The following TMLHE variants were observed in gnomAD, a reference collection of about 807,000 sequenced individuals.
TMLHE encodes the protein trimethyllysine hydroxylase, epsilon, also known as trimethyllysine dioxygenase, mitochondrial.
Under a neutral mutation model 25.7 loss-of-function variants are expected in TMLHE, and 18 were observed. That is an observed-to-expected ratio of 0.70 (90% confidence interval 0.48 to 1.04). The LOEUF (loss-of-function observed/expected upper bound fraction) is 1.04. Among genes scored for constraint, TMLHE ranks in the 50% least tolerant of loss-of-function variants. The pLI is 0.00. For synonymous variants in TMLHE, 105 were observed against 97.0 expected, an observed-to-expected ratio of 1.08 and a Z score of -0.49; for missense variants, 236 against 259.0, an observed-to-expected ratio of 0.91 and a Z score of 0.61.
intron 1 of TMLHE, among the ~76,000 whole-genome samples, chrX:155,551,022 G>A (rs1304563752): frequency 2.7e-5 from 3 of 110,041 alleles, no homozygotes; most frequent in Admixed American, 9.6e-5. Flanking sequence ...CCCTTTAAAC[G>A]GCATGGCAAT....
chrX:155,549,346 G>A (rs1217402929), intron 1 of TMLHE, among the ~76,000 whole-genome samples: 1 of 110,598 alleles, frequency 9.0e-6, no homozygotes, highest in Non-Finnish European at 1.9e-5. Context: ...TGTTAGCCAT[G>A]TTTTTGGATT....
At chrX:155,545,371 T>C in intron 1 of TMLHE, 94 bp from the exon 2 acceptor site, 1 of 729,432 alleles carries the variant, frequency 1.4e-6, no homozygotes, top group Non-Finnish European at 1.9e-6. Context: ...TGTAAAATGA[T>C]AGATTTAATG....
chrX:155,528,157 A>G (rs782725502), intron 2 of TMLHE, among the ~76,000 whole-genome samples: 2 of 110,388 alleles, frequency 1.8e-5, no homozygotes, highest in African/African-American at 6.6e-5. Flanking sequence ...GGATGTGGGG[A>G]AAAATGCATA....
rs1419190689 is a variant in TMLHE, at chrX:155,547,249, A to G, written c.-1-1972T>C. 7.9e-5 allele frequency among the ~76,000 whole-genome samples: 7 copies of G among 89,087 alleles called. No individual in the cohort carries two copies. The Admixed American group carries it at 8.9e-4, about 11-fold the overall frequency. 77.4% of individuals were successfully genotyped at this position (89,087 alleles called of 115,157 possible). ...AAGCTCCGCCTCCCGGGTTCACGCC[A>G]TTCTCCTGCCTCAGCCTCCCGAGTA... On this transcript the variant is annotated intron_variant, in intron 1 of 7. Coordinates refer to ENST00000334398, the MANE Select transcript of TMLHE (RefSeq NM_018196.4).
rs782616823 is a variant in TMLHE at position 155,604,650 on chromosome X, G to A, written c.-2+8142C>T. 3.6e-5 allele frequency among the ~76,000 whole-genome samples: 4 copies of A among 111,351 alleles called. No individual in the cohort carries two copies. In the South Asian group the frequency reaches 1.1e-3, roughly 32 times the overall value. On this transcript the variant is annotated intron_variant, in intron 1 of 7. Transcript: ENST00000334398. ...AGCTCTGCAGCCAGCACTCAAGTGGGAGAGGAGCCCACACCCTCAGAGCAC... is the reference window on the plus strand; with the variant it reads ...AGCTCTGCAGCCAGCACTCAAGTGGAAGAGGAGCCCACACCCTCAGAGCAC...
intron 1 of TMLHE, among the ~76,000 whole-genome samples, chrX:155,599,303 G>A (rs782124072): frequency 9.0e-6 from 1 of 111,380 alleles, no homozygotes; most frequent in Admixed American, 9.6e-5. Flanking sequence ...TCATGTTTAA[G>A]GCAAGTATAA....
intron 2 of TMLHE, among the ~76,000 whole-genome samples, chrX:155,542,795 C>T (rs2067320404): frequency 9.0e-6 from 1 of 111,143 alleles, no homozygotes; most frequent in Non-Finnish European, 1.9e-5. Flanking sequence ...AAGTCCACTG[C>T]AATTCTTATC....
At chrX:155,541,899 T>A (rs1251576547) in intron 2 of TMLHE, among the ~76,000 whole-genome samples, 1 of 111,307 alleles carries the variant, frequency 9.0e-6, no homozygotes, top group Non-Finnish European at 1.9e-5. Context: ...GTTGTTTTTT[T>A]TTTCATGTAA....
chrX:155,610,225 T>C (rs1557348186), intron 1 of TMLHE, among the ~76,000 whole-genome samples: 2 of 112,498 alleles, frequency 1.8e-5, no homozygotes, highest in African/African-American at 3.2e-5. Context: ...GAAGTATTTA[T>C]ATATGCCACA....
intron 1 of TMLHE, among the ~76,000 whole-genome samples, chrX:155,561,269 G>A: frequency 1.6e-5 from 1 of 61,363 alleles, no homozygotes. Context: ...AGAAGGTGAA[G>A]GGAAAGCAAG....
At chrX:155,562,397 CT>C (rs111517743) in intron 1 of TMLHE, among the ~76,000 whole-genome samples, 11,674 of 57,499 alleles carry the variant, frequency 0.2, 2,698 homozygotes, top group African/African-American at 0.31. Flanking sequence ...CCCATGAAAC[CT>C]TTTTTTTTTC....
chrX:155,506,037 T>C (rs12557310), intron 6 of TMLHE, among the ~76,000 whole-genome samples: 60,552 of 109,961 alleles, frequency 0.55, 14,286 homozygotes, highest in Middle Eastern at 0.78. Flanking sequence ...ATGAATTACA[T>C]GCTAGAAGAG....
intron 1 of TMLHE, among the ~76,000 whole-genome samples, chrX:155,607,168 G>A (rs1208586370): frequency 3.6e-5 from 4 of 111,233 alleles, no homozygotes; most frequent in Non-Finnish European, 7.6e-5. Flanking sequence ...CAACAAAAAA[G>A]GAAAACTTCA....
rs782248549 is a variant in TMLHE at position 155,545,254 on chromosome X, TG to T, written c.22del (p.His8ThrfsTer10). On this transcript the variant is annotated frameshift_variant, in exon 2 of 8. Transcript: ENST00000334398. LOFTEE classifies it high-confidence loss of function. Reference protein sequence around the residue: MWYHRLSHLHSRLQDLLK... With the variant: MWYHRLSXLHSRLQDLLK... ...CAAGTCCTGAAGCCTGCTGTGTAGGTGGGACAATCTGTGGTACCACATCCTA... is the reference window on the plus strand; with the variant it reads ...CAAGTCCTGAAGCCTGCTGTGTAGGTGGACAATCTGTGGTACCACATCCTA... 1.7e-6 allele frequency: 2 copies of T among 1,196,871 alleles called. No individual in the cohort carries two copies.
intron 1 of TMLHE, among the ~76,000 whole-genome samples, chrX:155,556,068 A>C (rs1209588606): frequency 3.6e-5 from 4 of 109,752 alleles, no homozygotes; most frequent in African/African-American, 1.3e-4. Context: ...GACTTGAAGC[A>C]AGAAAGGGAG....
At chrX:155,598,949 C>T (rs1184312277) in intron 1 of TMLHE, among the ~76,000 whole-genome samples, 3 of 110,901 alleles carry the variant, frequency 2.7e-5, no homozygotes, top group East Asian at 2.8e-4. Context: ...TCCTGCCTCC[C>T]GTTCCACCTC....
At chrX:155,598,379 A>T (rs1476677915) in intron 1 of TMLHE, among the ~76,000 whole-genome samples, 1 of 109,589 alleles carries the variant, frequency 9.1e-6, no homozygotes, top group African/African-American at 3.3e-5. Flanking sequence ...GCCATAAAAA[A>T]TGATGAGTTC....
At chrX:155,549,522 T>C (rs2067397641) in intron 1 of TMLHE, among the ~76,000 whole-genome samples, 1 of 110,666 alleles carries the variant, frequency 9.0e-6, no homozygotes, top group Admixed American at 9.6e-5. Context: ...TGGTTAATTA[T>C]TCTAATTGAC....
At position 155,511,681 on chromosome X, in the gene TMLHE, C is replaced by G; in HGVS notation, c.750G>C (p.Glu250Asp). Reference sequence around the variant, plus strand: ...AAGTCTAATCCACCTACCCACAGGGCTCTTGAAAATAGGTAGTGTCAGTGT... The same window carrying G: ...AAGTCTAATCCACCTACCCACAGGGGTCTTGAAAATAGGTAGTGTCAGTGT... ...DRHTDTTYFQ[E>D]PCGIQVFHCL... Residue 250 changes from glutamate to aspartate, a missense_variant, in exon 5 of 8, where the codon GAG becomes GAC. Around this residue, in one of 2 missense-constraint regions of TMLHE, gnomAD observed 217 missense variants for 214.6 expected, o/e 1.01. Coordinates refer to ENST00000334398, the MANE Select transcript of TMLHE (RefSeq NM_018196.4). The G allele has an allele frequency of 8.3e-7, 1 of 1,197,836 alleles. No individual in the cohort carries two copies. The highest frequency in any genetic ancestry group is 1.1e-6 in the Non-Finnish European group (1 of 886,571).
Sources: gnomAD v4.1 joint callset for allele counts (sites outside exome capture counted in the v4.1 genomes callset) on GRCh38, gnomAD v4.1.1 for gene constraint, gnomAD v4.1.1 regional missense constraint, MANE v1.5 for transcripts, NCBI Gene and HGNC (gene_info 2026-07-23, HGNC 2026-07-21) for gene names.